KATNAL1: variants seen among roughly 807,000 people sequenced by gnomAD.
The protein encoded by KATNAL1 is katanin catalytic subunit A1 like 1.
Under a neutral mutation model 55.2 loss-of-function variants are expected in KATNAL1, and 32 were observed. The observed-to-expected ratio is 0.58, with a 90% CI of 0.44 to 0.78. The LOEUF (loss-of-function observed/expected upper bound fraction) is 0.78, where lower values mean the gene tolerates loss of function less well. Ranked by LOEUF, KATNAL1 falls within the 30% of genes least tolerant of loss-of-function variation. The pLI is 0.00. For missense variants in KATNAL1, 466 were observed against 600.9 expected, an observed-to-expected ratio of 0.78 and a Z score of 2.35; for synonymous variants, 193 against 193.6, an observed-to-expected ratio of 1.00 and a Z score of 0.02.
chr13:30,230,434 G>T (rs781522861), intron 8 of KATNAL1, 34 bp downstream of exon 8: 7 of 1,586,294 alleles, frequency 4.4e-6, no homozygotes, highest in Admixed American at 3.5e-5. Flanking sequence ...ATTTAAAAAT[G>T]AGAGTTTTGA....
chr13:30,289,158 T>C (rs1457736568), intron 1 of KATNAL1, among the ~76,000 whole-genome samples: 1 of 152,232 alleles, frequency 6.6e-6, no homozygotes, highest in Non-Finnish European at 1.5e-5. Flanking sequence ...TAAGATTATT[T>C]AACACTTCAA....
rs1881581670 is a variant in KATNAL1 at position 30,283,743 on chromosome 13, T to G, written c.35A>C (p.Lys12Thr). Residue 12 changes from lysine to threonine, a missense_variant, in exon 2 of 11, where the codon AAA becomes ACA. By Grantham distance (78) the Lys-to-Thr change is moderately conservative. This residue lies in a region of KATNAL1 where 248 missense variants were observed against 275.5 expected (regional missense o/e 0.90). Coordinates refer to ENST00000380615, the MANE Select transcript of KATNAL1 (RefSeq NM_032116.5). ...TCCAAGAAGGGCATATTCTCTTCCTTTCTTTGCATTATCACAAATCTCAGC... is the reference window on the plus strand; with the variant it reads ...TCCAAGAAGGGCATATTCTCTTCCTGTCTTTGCATTATCACAAATCTCAGC... ...NLAEICDNAK[K>T]GREYALLGNY... 1 of 1,612,772 alleles carries G rather than the reference T, an allele frequency of 6.2e-7. No homozygotes were observed. Among genetic ancestry groups the G allele is most frequent in the Non-Finnish European group, 8.5e-7 (1 of 1,179,200 alleles).
chr13:30,224,753 AATAGAG>A (rs1447922839), intron 9 of KATNAL1, among the ~76,000 whole-genome samples: 24 of 152,244 alleles, frequency 1.6e-4, no homozygotes, highest in Non-Finnish European at 2.4e-4. Flanking sequence ...AATGATGAAG[AATAGAG>A]ATAAATTACT....
chr13:30,227,918 C>G (rs139176477), intron 8 of KATNAL1, among the ~76,000 whole-genome samples: 84 of 152,086 alleles, frequency 5.5e-4, no homozygotes, highest in African/African-American at 1.9e-3. Flanking sequence ...TCATAAAGTT[C>G]CGCAAAAATT....
chr13:30,279,773 T>C (rs1052762650), intron 3 of KATNAL1, among the ~76,000 whole-genome samples: 2 of 152,214 alleles, frequency 1.3e-5, no homozygotes, highest in Non-Finnish European at 1.5e-5. Flanking sequence ...GTTTTGATGC[T>C]GCCATTACGA....
rs1268854307 is a variant in KATNAL1, at chr13:30,205,072, T to C, written c.*3468A>G. The C allele has an allele frequency of 6.6e-5, 10 of 152,252 alleles. No individual in the cohort carries two copies. The East Asian group carries it at 1.9e-3, about 29-fold the overall frequency. The allele number at this position is 152,252 out of a possible 1,614,324, so 9.4% of individuals were successfully genotyped here. A position where few individuals can be genotyped will look rare whatever the true frequency, so the allele number is the denominator to read the frequency against. On this transcript the variant is annotated 3_prime_UTR_variant, in exon 11 of 11. Coordinates refer to ENST00000380615, the MANE Select transcript of KATNAL1 (RefSeq NM_032116.5). The stretch of plus-strand genomic sequence containing the variant: ...GCAGCTTGGGAAATGGTAAAAATTG[T>C]TCATTAAAATAGATCCATAATAGTT...
intron 4 of KATNAL1, among the ~76,000 whole-genome samples, chr13:30,248,798 G>A (rs1241439377): frequency 2.6e-5 from 4 of 152,178 alleles, no homozygotes; most frequent in South Asian, 2.1e-4. Context: ...GGGGGCTCAC[G>A]CCTGTAATCC....
intron 9 of KATNAL1, among the ~76,000 whole-genome samples, chr13:30,226,210 GT>G (rs1230654105): frequency 6.6e-6 from 1 of 152,180 alleles, no homozygotes; most frequent in Non-Finnish European, 1.5e-5. Context: ...CTGAAAAACA[GT>G]TTGGGTATTT....
chr13:30,295,416 T>C (rs959171373), intron 1 of KATNAL1, among the ~76,000 whole-genome samples: 2 of 152,184 alleles, frequency 1.3e-5, no homozygotes, highest in Non-Finnish European at 2.9e-5. Flanking sequence ...GCAAGAGAAC[T>C]AGCATTAGAA....
chr13:30,263,714 G>C (rs898625295), intron 3 of KATNAL1, among the ~76,000 whole-genome samples: 2 of 139,144 alleles, frequency 1.4e-5, no homozygotes, highest in African/African-American at 5.3e-5. Context: ...CACTGCTCAA[G>C]GAAATAAAAG....
intron 1 of KATNAL1, chr13:30,296,402 T>C (rs939523856): frequency 3.0e-6 from 3 of 998,558 alleles, no homozygotes; most frequent in Non-Finnish European, 4.7e-6. Flanking sequence ...CCACCTGGCT[T>C]GGATTAACAT....
intron 3 of KATNAL1, among the ~76,000 whole-genome samples, chr13:30,272,511 A>G (rs1468468318): frequency 6.6e-6 from 1 of 152,236 alleles, no homozygotes; most frequent in African/African-American, 2.4e-5. Context: ...AACATGCAGC[A>G]AGGCAAAGAT....
At chr13:30,260,158 G>A (rs1012082684) in intron 3 of KATNAL1, among the ~76,000 whole-genome samples, 7 of 152,048 alleles carry the variant, frequency 4.6e-5, no homozygotes, top group Non-Finnish European at 1.0e-4. Context: ...TGCAGCTGAG[G>A]GTCCTGTCTG....
intron 1 of KATNAL1, among the ~76,000 whole-genome samples, chr13:30,300,686 C>G (rs1334321379): frequency 2.6e-5 from 4 of 152,156 alleles, no homozygotes; most frequent in Non-Finnish European, 4.4e-5. Flanking sequence ...GAGTACTAAT[C>G]AACCAAATAG....
chr13:30,247,719 T>C (rs923069575), intron 4 of KATNAL1, among the ~76,000 whole-genome samples: 2 of 152,190 alleles, frequency 1.3e-5, no homozygotes, highest in Non-Finnish European at 2.9e-5. Context: ...ATGCAGAGCC[T>C]TGTAGACCAT....
At chr13:30,279,379 A>G (rs542369899) in intron 3 of KATNAL1, among the ~76,000 whole-genome samples, 2 of 152,342 alleles carry the variant, frequency 1.3e-5, no homozygotes, top group East Asian at 3.9e-4. Context: ...ACAAACTGCT[A>G]TGTCTGGGCA....
intron 5 of KATNAL1, 118 bp downstream of exon 5, chr13:30,240,841 C>G (rs1210193360): frequency 4.3e-6 from 4 of 928,758 alleles, no homozygotes; most frequent in Non-Finnish European, 6.4e-6. Flanking sequence ...TCTATACTTT[C>G]ATATTATAGA....
intron 3 of KATNAL1, among the ~76,000 whole-genome samples, chr13:30,271,481 C>A (rs1880351314): frequency 6.6e-6 from 1 of 152,152 alleles, no homozygotes; most frequent in African/African-American, 2.4e-5. Flanking sequence ...AGACACATCA[C>A]ATGGCCAGAG....
chr13:30,274,907 G>GCGCACGCACA (rs869107567), intron 3 of KATNAL1, among the ~76,000 whole-genome samples: 4 of 105,390 alleles, frequency 3.8e-5, no homozygotes, highest in African/African-American at 1.2e-4. Flanking sequence ...GCGCGCGCGC[G>GCGCACGCACA]CACACACACA....
Sources: allele counts gnomAD v4.1 joint callset (sites outside exome capture counted in the v4.1 genomes callset), GRCh38; gene constraint gnomAD v4.1.1; regional missense constraint gnomAD v4.1.1; transcripts MANE v1.5; gene names NCBI Gene and HGNC (gene_info 2026-07-23, HGNC 2026-07-21).